ESR1: variants seen among roughly 807,000 people sequenced by gnomAD.
ESR1 encodes the protein estrogen receptor.
A neutral mutation model predicts 52.7 loss-of-function variants in ESR1; 12 were observed. The ratio of observed to expected loss-of-function variants is 0.23; its 90% CI spans 0.15 to 0.37. The LOEUF (loss-of-function observed/expected upper bound fraction) is 0.37. Among genes scored for constraint, ESR1 ranks in the 10% least tolerant of loss-of-function variants. The pLI is 1.00. For missense variants in ESR1, 584 were observed against 779.7 expected, an observed-to-expected ratio of 0.75 and a Z score of 2.99; for synonymous variants, 305 against 316.8, an observed-to-expected ratio of 0.96 and a Z score of 0.39.
At chr6:151,880,193 TTTTTTTTG>T (rs1183808645) in intron 2 of ESR1, among the ~76,000 whole-genome samples, 2 of 142,938 alleles carry the variant, frequency 1.4e-5, no homozygotes, top group African/African-American at 5.1e-5. Context: ...TTTTTTTTTT[TTTTTTTTG>T]AGATGGATTC....
At chr6:152,011,634 G>A (rs2042776396) in intron 4 of ESR1, 22 bp from the exon 5 acceptor site, 1 of 1,612,914 alleles carries the variant, frequency 6.2e-7, no homozygotes, top group African/African-American at 1.3e-5. Context: ...GAGTCAGCAG[G>A]GTTTTTCTTG....
chr6:151,876,975 AC>A lies in ESR1; in HGVS notation c.644-3679del, dbSNP rs200711373. Among the ~76,000 whole-genome samples, 344 of 147,000 alleles carry A rather than the reference AC, an allele frequency of 2.3e-3. 1 individual carries two copies. Among genetic ancestry groups the A allele is most frequent in the African/African-American group, 4.8e-3 (191 of 39,460 alleles). On this transcript the variant is annotated intron_variant, in intron 2 of 7. Coordinates refer to ENST00000206249, the MANE Select transcript of ESR1 (RefSeq NM_000125.4). ...GTCCTGTCTTTTCAGTTAAAAAAAA[AC>A]ACACACACACACACTGCTATGTTTC...
chr6:152,016,665 C>A (rs987217411), intron 5 of ESR1, among the ~76,000 whole-genome samples: 2 of 152,152 alleles, frequency 1.3e-5, no homozygotes, highest in Admixed American at 1.3e-4. Context: ...CTCTCTGATG[C>A]AGATGACACA....
At chr6:151,929,451 A>T (rs569229559) in intron 3 of ESR1, among the ~76,000 whole-genome samples, 6 of 152,136 alleles carry the variant, frequency 3.9e-5, no homozygotes, top group African/African-American at 1.4e-4. Flanking sequence ...TATCAGAGTT[A>T]TTACATTTAA....
chr6:151,911,122 G>A (rs1302107001), intron 3 of ESR1, among the ~76,000 whole-genome samples: 1 of 152,146 alleles, frequency 6.6e-6, no homozygotes, highest in African/African-American at 2.4e-5. Flanking sequence ...TTCCTAACAG[G>A]CCATGAACTG....
downstream of ESR1, among the ~76,000 whole-genome samples, chr6:152,104,109 C>T (rs377327483): frequency 6.1e-5 from 9 of 147,166 alleles, no homozygotes; most frequent in East Asian, 8.4e-4. Flanking sequence ...CCACATGGTT[C>T]GCTCATGGAG....
At chr6:151,794,489 C>A (rs978411666) in intron 2 of ESR1, among the ~76,000 whole-genome samples, 4 of 152,112 alleles carry the variant, frequency 2.6e-5, no homozygotes, top group African/African-American at 9.7e-5. Context: ...AAGATTACTT[C>A]CAAATTTTTT....
chr6:152,037,851 C>G (rs1486119217), intron 5 of ESR1, among the ~76,000 whole-genome samples: 1 of 152,086 alleles, frequency 6.6e-6, no homozygotes, highest in Non-Finnish European at 1.5e-5. Flanking sequence ...TTCACTCCAC[C>G]ATTAATATTT....
At chr6:152,108,178 T>C (rs1194384715), downstream of ESR1, among the ~76,000 whole-genome samples, 3 of 152,136 alleles carry the variant, frequency 2.0e-5, no homozygotes, top group Non-Finnish European at 4.4e-5. Context: ...GCCAGGAATG[T>C]GCTTGCCACG....
chr6:151,702,835 T>C (rs1295360955), intron 2 of ESR1, among the ~76,000 whole-genome samples: 1 of 152,202 alleles, frequency 6.6e-6, no homozygotes, highest in Non-Finnish European at 1.5e-5. Flanking sequence ...AAGTGCAAAT[T>C]GTCACCATTG....
At position 151,672,675 on chromosome 6, in the gene ESR1, G is replaced by C. The variant is rs573962408; in HGVS notation, n.73+15912G>C. 4.6e-5 allele frequency among the ~76,000 whole-genome samples: 7 copies of C among 151,934 alleles called. No homozygotes were observed. In the South Asian group the frequency reaches 1.5e-3, roughly 32 times the overall value. ...TTTAATAGAGACGAGGTTTCACCAT[G>C]TTGGCCATCCTGGTCTTGAACTCCT... On this transcript the variant is annotated intron_variant and non_coding_transcript_variant, in intron 1 of 2. Coordinates refer to the ESR1 transcript ENST00000473497.
chr6:151,972,834 G>A (rs756953047), intron 4 of ESR1, among the ~76,000 whole-genome samples: 16 of 152,176 alleles, frequency 1.1e-4, no homozygotes, highest in Non-Finnish European at 1.5e-4. Context: ...CTCAAAAGCA[G>A]GGAAGCCAAA....
intron 1 of ESR1, among the ~76,000 whole-genome samples, chr6:151,690,938 A>G (rs1362883576): frequency 6.6e-6 from 1 of 152,206 alleles, no homozygotes; most frequent in Non-Finnish European, 1.5e-5. Context: ...TTAGTACAGC[A>G]CACACAGGCT....
intron 4 of ESR1, among the ~76,000 whole-genome samples, chr6:151,987,025 T>C (rs2128699508): frequency 6.6e-6 from 1 of 152,196 alleles, no homozygotes; most frequent in East Asian, 1.9e-4. Context: ...CAATCTCCTC[T>C]ACAGGGAAGG....
In ESR1 at chr6:152,061,776, A is replaced by G. The variant is rs1041070634; in HGVS notation, c.1369+652A>G. On this transcript the variant is annotated intron_variant, in intron 6 of 7. Transcript: ENST00000206249. This position sits in a 1 kb window ranked among gnomAD's most constrained non-coding sequence, Gnocchi z 4.3. ...TGTTTTTGTTTTGTTTTTGTTTTCA[A>G]TGTAGTGAGGCTGGCTGTTGTATAA... Among the ~76,000 whole-genome samples, 9 of 152,100 alleles carry G rather than the reference A, an allele frequency of 5.9e-5. No homozygotes were observed. The South Asian group carries it at 8.3e-4, about 14-fold the overall frequency.
chr6:152,089,054 G>A (rs371293227), intron 6 of ESR1, among the ~76,000 whole-genome samples: 27 of 152,252 alleles, frequency 1.8e-4, no homozygotes, highest in African/African-American at 6.3e-4. Flanking sequence ...AGGCCTTGGA[G>A]ATGATATCCT....
In ESR1 at chr6:152,061,131, T is replaced by A. The variant is rs775813112; in HGVS notation, c.1369+7T>A. 6.2e-7 allele frequency: 1 copy of A among 1,613,368 alleles called. No homozygotes were observed. Among genetic ancestry groups the A allele is most frequent in the Admixed American group, 1.7e-5 (1 of 59,982 alleles). The stretch of plus-strand genomic sequence containing the variant: ...ATTATTTTGCTTAATTCTGGTGAGT[T>A]GATAACACAAGATAACTCAATGCTG... On this transcript the variant is annotated splice_region_variant and intron_variant, in intron 6 of 7. Transcript: ENST00000206249. The surrounding 1 kb of genome is among the most constrained non-coding windows in gnomAD (Gnocchi z 4.3).
At chr6:151,835,518 G>C (rs1338441927) in intron 1 of ESR1, among the ~76,000 whole-genome samples, 1 of 152,254 alleles carries the variant, frequency 6.6e-6, no homozygotes, top group Non-Finnish European at 1.5e-5. Flanking sequence ...TAGATGTCAT[G>C]AGATGTGGGG....
intron 5 of ESR1, among the ~76,000 whole-genome samples, chr6:152,042,538 A>G (rs1030967355): frequency 3.9e-5 from 6 of 152,184 alleles, no homozygotes; most frequent in Non-Finnish European, 7.4e-5. Context: ...AGAAAGAGTC[A>G]CTGCATAAAT....
Sources: allele counts gnomAD v4.1 joint callset (sites outside exome capture counted in the v4.1 genomes callset), GRCh38; gene constraint gnomAD v4.1.1; non-coding constraint Gnocchi (gnomAD v3.1); transcripts MANE v1.5; gene names NCBI Gene and HGNC (gene_info 2026-07-23, HGNC 2026-07-21).